Variants in GLDN observed in about 807,000 individuals in gnomAD.
GLDN encodes the protein collomin.
GLDN carries 47 observed loss-of-function variants against 56.5 expected under a neutral mutation model. The observed-to-expected ratio is 0.83, with a 90% CI of 0.66 to 1.06. GLDN has a LOEUF of 1.06. GLDN is among the 50% of genes least tolerant of loss of function. The pLI, the probability that GLDN is intolerant of heterozygous loss-of-function variation, is 0.00. For missense variants in GLDN, 782 were observed against 714.3 expected, an observed-to-expected ratio of 1.09 and a Z score of -1.08; for synonymous variants, 332 against 278.8, an observed-to-expected ratio of 1.19 and a Z score of -1.90.
At chr15:51,348,627 T>A (rs1193659742) in intron 1 of GLDN, among the ~76,000 whole-genome samples, 1 of 152,174 alleles carries the variant, frequency 6.6e-6, no homozygotes, top group African/African-American at 2.4e-5. Flanking sequence ...AACCACTGTG[T>A]CTAGCCTGAT....
intron 2 of GLDN, among the ~76,000 whole-genome samples, chr15:51,382,046 CA>C (rs1468391130): frequency 1.3e-5 from 2 of 152,172 alleles, no homozygotes; most frequent in Admixed American, 6.5e-5. Flanking sequence ...CACACTTGGC[CA>C]GTCCTCTAAC....
intron 2 of GLDN, among the ~76,000 whole-genome samples, chr15:51,382,911 C>T (rs1248784620): frequency 6.6e-6 from 1 of 152,088 alleles, no homozygotes; most frequent in Non-Finnish European, 1.5e-5. Flanking sequence ...TATTTGTTAC[C>T]TGATCTGGGC....
chr15:51,347,108 T>G (rs1482721353), intron 1 of GLDN, among the ~76,000 whole-genome samples: 1 of 152,076 alleles, frequency 6.6e-6, no homozygotes, highest in Non-Finnish European at 1.5e-5. Context: ...ACTCATATCA[T>G]ATCATAGATA....
At chr15:51,344,351 A>G (rs767836891) in intron 1 of GLDN, among the ~76,000 whole-genome samples, 36 of 152,240 alleles carry the variant, frequency 2.4e-4, no homozygotes, top group Non-Finnish European at 4.4e-4. Flanking sequence ...CCTTTGCTTC[A>G]GGACGAGGAG....
chr15:51,396,060 C>T (rs542394398), intron 5 of GLDN, among the ~76,000 whole-genome samples: 31 of 152,314 alleles, frequency 2.0e-4, no homozygotes, highest in Middle Eastern at 3.4e-3. Flanking sequence ...CAGACCCCAC[C>T]TCCAACACTG....
downstream of GLDN, among the ~76,000 whole-genome samples, chr15:51,411,378 A>G (rs923825199): frequency 2.0e-5 from 3 of 152,246 alleles, no homozygotes; most frequent in African/African-American, 7.2e-5. Context: ...GAACATGAAC[A>G]GAGACAGACT....
At chr15:51,403,429 C>T (rs74013209) in intron 9 of GLDN, among the ~76,000 whole-genome samples, 62 of 152,348 alleles carry the variant, frequency 4.1e-4, no homozygotes, top group African/African-American at 1.4e-3. Flanking sequence ...CACAGATGCA[C>T]ACAGTTCATG....
Position 51,341,878 on chromosome 15 carries a change from T to G in GLDN, c.194T>G (p.Leu65Arg). 1 of 1,570,370 alleles carries G rather than the reference T, an allele frequency of 6.4e-7. No homozygotes were observed. ...RGREQREDSA[L>R]RSFLAELSRA... ...CGGGAGCAGCGCGAGGACAGTGCCC[T>G]GCGCTCCTTCCTGGCCGAGTTGAGC... Residue 65 changes from leucine to arginine, a missense_variant, in exon 1 of 10, where the codon CTG (leucine) becomes CGG (arginine). Physicochemically the swap from Leu to Arg is moderately radical, Grantham distance 102 (BLOSUM62 -2). Transcript: ENST00000335449.
intron 4 of GLDN, among the ~76,000 whole-genome samples, chr15:51,389,614 A>G (rs1223477344): frequency 6.6e-6 from 1 of 152,224 alleles, no homozygotes; most frequent in Non-Finnish European, 1.5e-5. Flanking sequence ...GAGAAGAGTG[A>G]TCAGCACTTT....
chr15:51,367,165 C>A (rs758324414), intron 1 of GLDN, among the ~76,000 whole-genome samples: 1 of 152,206 alleles, frequency 6.6e-6, no homozygotes, highest in South Asian at 2.1e-4. Context: ...ATCCAGCCTT[C>A]CCCTTGACCT....
intron 1 of GLDN, among the ~76,000 whole-genome samples, chr15:51,373,070 G>T (rs773933602): frequency 1.3e-5 from 2 of 152,022 alleles, no homozygotes; most frequent in Non-Finnish European, 2.9e-5. Context: ...GTTATGTTGG[G>T]GATTATGTTT....
intron 1 of GLDN, among the ~76,000 whole-genome samples, chr15:51,373,427 G>C (rs1218414496): frequency 6.6e-6 from 1 of 152,188 alleles, no homozygotes; most frequent in Non-Finnish European, 1.5e-5. Flanking sequence ...ATGGATAACT[G>C]ACTATATTTA....
rs548135459 is a variant in GLDN, at chr15:51,388,762, G to C, written c.541+4870G>C. 2.2e-3 allele frequency among the ~76,000 whole-genome samples: 330 copies of C among 152,330 alleles called. 1 individual carries two copies. Among genetic ancestry groups the C allele is most frequent in the South Asian group, 3.7e-3 (18 of 4,824 alleles). ...TCAATTTGCGTGCTCAAGGGGCTTG[G>C]GCCCTGTTGTGAGAGCAGGGTTATT... On this transcript the variant is annotated intron_variant, in intron 4 of 9. Transcript: ENST00000335449.
intron 1 of GLDN, among the ~76,000 whole-genome samples, chr15:51,369,853 C>T (rs999681927): frequency 2.0e-5 from 3 of 152,184 alleles, no homozygotes; most frequent in Admixed American, 1.3e-4. Flanking sequence ...CAGTAGCTCA[C>T]GTCTATAATC....
downstream of GLDN, among the ~76,000 whole-genome samples, chr15:51,409,066 C>T (rs1462671912): frequency 7.7e-5 from 6 of 77,662 alleles, no homozygotes; most frequent in East Asian, 2.6e-3. Context: ...ACAGGGGCTG[C>T]TATAAAGACC....
chr15:51,344,956 C>T (rs553717797), intron 1 of GLDN, among the ~76,000 whole-genome samples: 1 of 152,256 alleles, frequency 6.6e-6, no homozygotes, highest in East Asian at 1.9e-4. Context: ...TCTTTAAAAC[C>T]ATGTGCATAC....
intron 6 of GLDN, among the ~76,000 whole-genome samples, chr15:51,398,180 T>C (rs989690281): frequency 2.6e-5 from 4 of 152,248 alleles, no homozygotes; most frequent in African/African-American, 9.6e-5. Context: ...GAGCTACGAT[T>C]CAAACCCAGC....
downstream of GLDN, among the ~76,000 whole-genome samples, chr15:51,410,845 C>A (rs777144975): frequency 6.6e-6 from 1 of 152,154 alleles, no homozygotes. Context: ...ATCTGGCAAT[C>A]CTAACCAGGT....
chr15:51,362,665 C>A lies in GLDN; in HGVS notation c.364-14784C>A, dbSNP rs117047305. ...AGAGTGACATGATCTCACCTGAATTCTCAGTGAATCACTCTGACTTCTCAA... is the reference window on the plus strand; with the variant it reads ...AGAGTGACATGATCTCACCTGAATTATCAGTGAATCACTCTGACTTCTCAA... On this transcript the variant is annotated intron_variant, in intron 1 of 9. Coordinates refer to ENST00000335449, the MANE Select transcript of GLDN (RefSeq NM_181789.4). Among the ~76,000 whole-genome samples, 7 of 152,112 alleles carry A rather than the reference C, an allele frequency of 4.6e-5. No homozygotes were observed. In the East Asian group the frequency reaches 1.4e-3, roughly 29 times the overall value.
Sources: gnomAD v4.1 joint callset for allele counts (sites outside exome capture counted in the v4.1 genomes callset) on GRCh38, gnomAD v4.1.1 for gene constraint, MANE v1.5 for transcripts, NCBI Gene and HGNC (gene_info 2026-07-23, HGNC 2026-07-21) for gene names.